TRIM52: variants seen among roughly 807,000 people sequenced by gnomAD.
TRIM52 encodes E3 ubiquitin-protein ligase TRIM52.
In TRIM52, 24 loss-of-function variants were observed where a neutral mutation model predicts 27.0. The ratio of observed to expected loss-of-function variants is 0.89; its 90% CI spans 0.64 to 1.25. TRIM52 has a LOEUF of 1.25. TRIM52 is among the 50% of genes most tolerant of loss of function. The pLI is 0.00. For synonymous variants in TRIM52, 125 were observed against 126.5 expected (o/e 0.99, Z 0.08); for missense variants, 351 against 354.7 (o/e 0.99, Z 0.08).
chr5:181,255,799 G>A lies in TRIM52; in HGVS notation c.*1010C>T, dbSNP rs1759751400. 1 of 152,184 alleles carries A rather than the reference G, an allele frequency of 6.6e-6. No individual in the cohort carries two copies. The highest frequency in any genetic ancestry group is 6.5e-5 in the Admixed American group (1 of 15,282). 9.4% of individuals were successfully genotyped at this position (152,184 alleles called of 1,614,324 possible). ...GTGTCAATGTATTTTAAGCTTCAGT[G>A]TGTTAAAACTCTGTTGAAAATTTTA... is the stretch of plus-strand genomic sequence containing the variant. On this transcript the variant is annotated 3_prime_UTR_variant, in exon 2 of 2. Coordinates refer to ENST00000688015, the MANE Select transcript of TRIM52 (RefSeq NM_001346048.2).
At chr5:181,257,394 T>C (rs373070219) in intron 1 of TRIM52, 20 of 1,594,062 alleles carry the variant, frequency 1.3e-5, no homozygotes, top group Non-Finnish European at 1.7e-5. Flanking sequence ...CTCCTGTGGC[T>C]ACCCAACTTT....
downstream of TRIM52, among the ~76,000 whole-genome samples, chr5:181,253,551 A>G (rs552477072): frequency 1.4e-5 from 2 of 143,244 alleles, 1 homozygote; most frequent in Non-Finnish European, 3.0e-5. Flanking sequence ...GTCTAGAGAC[A>G]TTTGTGGTTG....
chr5:181,251,340 A>C (rs144377605), downstream of TRIM52, among the ~76,000 whole-genome samples: 68 of 152,232 alleles, frequency 4.5e-4, no homozygotes, highest in East Asian at 0.012. Flanking sequence ...AGGCCTAAGC[A>C]CAAACCTCAG....
chr5:181,257,019 G>A, intron 1 of TRIM52, 160 bp from the exon 2 acceptor site: 1 of 991,140 alleles, frequency 1.0e-6, no homozygotes, highest in Non-Finnish European at 1.2e-6. Context: ...ATTGGTGGCA[G>A]CTGGGTGGCA....
downstream of TRIM52, among the ~76,000 whole-genome samples, chr5:181,252,127 T>G (rs1364746319): frequency 6.6e-6 from 1 of 152,202 alleles, no homozygotes; most frequent in African/African-American, 2.4e-5. Context: ...CTCAAGATCA[T>G]TTTGGTCAGA....
downstream of TRIM52, among the ~76,000 whole-genome samples, chr5:181,252,113 GTGGC>G (rs1193508895): frequency 4.6e-5 from 7 of 152,162 alleles, no homozygotes; most frequent in East Asian, 1.3e-3. Context: ...GAAGTGATAG[GTGGC>G]TCAAGATCAT....
chr5:181,251,055 CG>C (rs1759623514), downstream of TRIM52, among the ~76,000 whole-genome samples: 1 of 151,904 alleles, frequency 6.6e-6, no homozygotes, highest in Admixed American at 6.6e-5. Context: ...TTTGGGAGGC[CG>C]AGGTGGACAG....
chr5:181,260,902 G>A lies in TRIM52; in HGVS notation c.-89C>T. ...AGGCCTGCCTCCAAACTACTCTGGT[G>A]ACCCGAGGCTGTCCTCAACCTTGCT... On this transcript the variant is annotated 5_prime_UTR_variant, in exon 1 of 2. Coordinates refer to ENST00000688015, the MANE Select transcript of TRIM52 (RefSeq NM_001346048.2). The surrounding 1 kb of genome is among the most constrained non-coding windows in gnomAD (Gnocchi z 4.4). The A allele has an allele frequency of 3.4e-6, 5 of 1,477,318 alleles. No individual in the cohort carries two copies. Among genetic ancestry groups the A allele is most frequent in the South Asian group, 1.4e-5 (1 of 71,406 alleles). The allele number at this position is 1,477,318 out of a possible 1,614,324, so 91.5% of individuals were successfully genotyped here.
rs1192671588 is a variant in TRIM52 at position 181,260,616 on chromosome 5, C to T, written c.198G>A (p.Glu66=). 2 of 1,613,990 alleles carry T rather than the reference C, an allele frequency of 1.2e-6. No individual in the cohort carries two copies. Among genetic ancestry groups the T allele is most frequent in the Non-Finnish European group, 1.7e-6 (2 of 1,179,998 alleles). ...QNEEEDEWEE[E]EDEEAVGAMD... ...TGGCCCCCACCGCTTCCTCGTCCTCCTCCTCCTCCCATTCATCTTCCTCCT... is the reference window on the plus strand; with the variant it reads ...TGGCCCCCACCGCTTCCTCGTCCTCTTCCTCCTCCCATTCATCTTCCTCCT... Residue 66 remains glutamate (E), a synonymous_variant, in exon 1 of 2, where the codon GAG becomes GAA. Coordinates refer to ENST00000688015, the MANE Select transcript of TRIM52 (RefSeq NM_001346048.2). The surrounding 1 kb of genome is among the most constrained non-coding windows in gnomAD (Gnocchi z 4.4).
At position 181,260,017 on chromosome 5, in the gene TRIM52, ACCT is replaced by A; in HGVS notation, c.794_796del (p.Glu265del). The A allele has an allele frequency of 6.2e-7, 1 of 1,613,576 alleles. No individual in the cohort carries two copies. Among genetic ancestry groups the A allele is most frequent in the Non-Finnish European group, 8.5e-7 (1 of 1,179,978 alleles). ...TTCTCTCACCTGGTACTCCTGCACC[ACCT>A]CCTCCAAAGGCAGCACGCTGTGCTG... is the stretch of plus-strand genomic sequence containing the variant. On this transcript the variant is annotated inframe_deletion, in exon 1 of 2. Coordinates refer to ENST00000688015, the MANE Select transcript of TRIM52 (RefSeq NM_001346048.2). The surrounding 1 kb of genome is among the most constrained non-coding windows in gnomAD (Gnocchi z 4.4).
At chr5:181,258,831 G>C (rs1759904324) in intron 1 of TRIM52, 1 of 152,114 alleles carries the variant, frequency 6.6e-6, no homozygotes, top group Non-Finnish European at 1.5e-5. Flanking sequence ...TTCATTTTGA[G>C]ATAATGCTAG....
At chr5:181,250,499 G>A (rs1012927285), downstream of TRIM52, among the ~76,000 whole-genome samples, 7 of 151,450 alleles carry the variant, frequency 4.6e-5, no homozygotes, top group East Asian at 1.9e-4. Flanking sequence ...TTGCGTCACC[G>A]CACTCCAGCC....
At chr5:181,259,924 G>A in intron 1 of TRIM52, 77 bp downstream of exon 1, 1 of 1,606,696 alleles carries the variant, frequency 6.2e-7, no homozygotes, top group Admixed American at 1.7e-5. Flanking sequence ...GGTGGGAAAG[G>A]AATGCTACTC....
At chr5:181,251,774 C>T (rs1759639632), downstream of TRIM52, among the ~76,000 whole-genome samples, 1 of 152,168 alleles carries the variant, frequency 6.6e-6, no homozygotes, top group African/African-American at 2.4e-5. Flanking sequence ...CTCCTCTCCT[C>T]AGACCCTGTT....
At chr5:181,258,111 G>C (rs1394257877) in intron 1 of TRIM52, 1 of 151,704 alleles carries the variant, frequency 6.6e-6, no homozygotes, top group African/African-American at 2.4e-5. Flanking sequence ...GCTGAGGAAG[G>C]CTGGGCACAG....
chr5:181,259,376 A>G (rs1759929882), intron 1 of TRIM52: 1 of 155,174 alleles, frequency 6.4e-6, no homozygotes, highest in African/African-American at 2.4e-5. Flanking sequence ...ACCAGGAAAG[A>G]AAAGTGATCA....
At chr5:181,253,423 C>G (rs909272703), downstream of TRIM52, among the ~76,000 whole-genome samples, 1 of 142,842 alleles carries the variant, frequency 7.0e-6, no homozygotes. Context: ...CTATGCCAGG[C>G]ACCGGCTATA....
downstream of TRIM52, chr5:181,254,398 A>G (rs1759703315): frequency 8.9e-6 from 1 of 112,002 alleles, no homozygotes; most frequent in Non-Finnish European, 1.6e-5. Flanking sequence ...CCCCGCAGAC[A>G]GAGTCTCGCT....
At chr5:181,252,931 T>C (rs779913781), downstream of TRIM52, among the ~76,000 whole-genome samples, 2 of 152,104 alleles carry the variant, frequency 1.3e-5, no homozygotes, top group Non-Finnish European at 2.9e-5. Flanking sequence ...CCAAGTGACA[T>C]AAGCAGCGGT....
Sources: allele counts gnomAD v4.1 joint callset (sites outside exome capture counted in the v4.1 genomes callset), GRCh38; gene constraint gnomAD v4.1.1; non-coding constraint Gnocchi (gnomAD v3.1); transcripts MANE v1.5; gene names NCBI Gene and HGNC (gene_info 2026-07-23, HGNC 2026-07-21).